Variants in NRIP3 observed in about 807,000 individuals in gnomAD.
NRIP3 encodes the protein nuclear receptor-interacting protein 3.
A neutral mutation model predicts 29.0 loss-of-function variants in NRIP3; 31 were observed. The observed-to-expected ratio is 1.07, with a 90% CI of 0.80 to 1.44. The LOEUF (loss-of-function observed/expected upper bound fraction) is 1.44. NRIP3 is among the 40% of genes most tolerant of loss of function. The probability of loss-of-function intolerance (pLI) is 0.00; values close to 1 mark genes in which losing one functional copy is unlikely to be tolerated. For missense variants in NRIP3, 314 were observed against 297.9 expected (o/e 1.05, Z -0.40); for synonymous variants, 131 against 118.3 (o/e 1.11, Z -0.70).
In NRIP3 at chr11:8,983,083, T is replaced by C; in HGVS notation, c.*462A>G. ...ATACTTGAGAAATCAATGAATCAAT[T>C]TGAAGAAACTCTAATTCTAAGACAT... On this transcript the variant is annotated 3_prime_UTR_variant, in exon 7 of 7. Transcript: ENST00000309166. 2.2e-6 allele frequency: 1 copy of C among 445,430 alleles called. No individual in the cohort carries two copies. Among genetic ancestry groups the C allele is most frequent in the South Asian group, 1.6e-5 (1 of 61,690 alleles). The allele number at this position is 445,430 out of a possible 1,614,324, so 27.6% of individuals were successfully genotyped here.
intron 1 of NRIP3, among the ~76,000 whole-genome samples, chr11:8,992,632 C>T (rs561126255): frequency 3.9e-5 from 6 of 152,222 alleles, no homozygotes; most frequent in South Asian, 4.2e-4. Flanking sequence ...AATCTGGGGC[C>T]GGGCGCAGTG....
Position 8,985,594 on chromosome 11 carries a change from A to T in NRIP3, c.562+117T>A, listed in dbSNP as rs191249114. ...GGGACAAGGTCTACAGTACAAAAAAATGGGAACCATTTTGAAAAAGTCAAT... is the reference window on the plus strand; with the variant it reads ...GGGACAAGGTCTACAGTACAAAAAATTGGGAACCATTTTGAAAAAGTCAAT... On this transcript the variant is annotated intron_variant, in intron 4 of 6. Coordinates refer to ENST00000309166, the MANE Select transcript of NRIP3 (RefSeq NM_020645.3). 2.4e-4 allele frequency: 318 copies of T among 1,344,106 alleles called. 2 individuals carry two copies. The African/African-American group carries it at 3.8e-3, about 16-fold the overall frequency. 83.3% of individuals were successfully genotyped at this position (1,344,106 alleles called of 1,614,324 possible).
rs1745753392 is a variant in NRIP3 at position 8,992,000 on chromosome 11, T to A, written c.175-3718A>T. Among the ~76,000 whole-genome samples the A allele has an allele frequency of 3.3e-5, 5 of 152,246 alleles. No individual in the cohort carries two copies. The South Asian group carries it at 1.0e-3, about 31-fold the overall frequency. On this transcript the variant is annotated intron_variant, in intron 1 of 6. Coordinates refer to ENST00000309166, the MANE Select transcript of NRIP3 (RefSeq NM_020645.3). Reference sequence around the variant, plus strand: ...GAAGACAGAAGAGCTACTGTTAGTTTGAGTCTCTAAAGGACTATATGGAAG... The same window carrying A: ...GAAGACAGAAGAGCTACTGTTAGTTAGAGTCTCTAAAGGACTATATGGAAG...
intron 4 of NRIP3, among the ~76,000 whole-genome samples, chr11:8,985,130 C>T (rs972866219): frequency 1.7e-4 from 25 of 149,640 alleles, no homozygotes; most frequent in Non-Finnish European, 3.1e-4. Flanking sequence ...GGATTACAGG[C>T]GTGAGCCACT....
chr11:8,988,392 T>C (rs1247354103), intron 1 of NRIP3, 110 bp from the exon 2 acceptor site: 2 of 837,896 alleles, frequency 2.4e-6, no homozygotes, highest in Admixed American at 5.5e-5. Context: ...CTGAGCTCTA[T>C]CTTTGCTTCT....
At position 8,982,282 on chromosome 11, in the gene NRIP3, C is replaced by T. The variant is rs908674990; in HGVS notation, c.*1263G>A. ...GGCAGTTATAAAAAGTTGTCCTTAACATTGCCGGCTCCTGCTCTGCCTCTT... is the reference window on the plus strand; with the variant it reads ...GGCAGTTATAAAAAGTTGTCCTTAATATTGCCGGCTCCTGCTCTGCCTCTT... On this transcript the variant is annotated 3_prime_UTR_variant, in exon 7 of 7. Coordinates refer to ENST00000309166, the MANE Select transcript of NRIP3 (RefSeq NM_020645.3). 5.9e-5 allele frequency: 9 copies of T among 152,254 alleles called. No individual in the cohort carries two copies. Among genetic ancestry groups the T allele is most frequent in the African/African-American group, 2.2e-4 (9 of 41,460 alleles). 9.4% of individuals were successfully genotyped at this position (152,254 alleles called of 1,614,324 possible). A position where few individuals can be genotyped will look rare whatever the true frequency, so the allele number is the denominator to read the frequency against.
Position 8,983,241 on chromosome 11 carries a change from C to A in NRIP3, c.*304G>T. On this transcript the variant is annotated 3_prime_UTR_variant, in exon 7 of 7. Coordinates refer to ENST00000309166, the MANE Select transcript of NRIP3 (RefSeq NM_020645.3). The stretch of plus-strand genomic sequence containing the variant: ...AGAACCTGGCAGCCCCTATACTTGA[C>A]TAATAAAAGCAAATTCCTGGAAGAA... 2.1e-6 allele frequency: 1 copy of A among 484,898 alleles called. No homozygotes were observed. The highest frequency in any genetic ancestry group is 3.7e-6 in the Non-Finnish European group (1 of 271,312). 30.0% of individuals were successfully genotyped at this position (484,898 alleles called of 1,614,324 possible).
Position 8,983,255 on chromosome 11 carries a change from T to C in NRIP3, c.*290A>G, listed in dbSNP as rs1854450722. 1 of 506,924 alleles carries C rather than the reference T, an allele frequency of 2.0e-6. No homozygotes were observed. Among genetic ancestry groups the C allele is most frequent in the South Asian group, 2.4e-5 (1 of 41,110 alleles). The allele number at this position is 506,924 out of a possible 1,614,324, so 31.4% of individuals were successfully genotyped here. A position where few individuals can be genotyped will look rare whatever the true frequency, so the allele number is the denominator to read the frequency against. Reference sequence around the variant, plus strand: ...CCTATACTTGACTAATAAAAGCAAATTCCTGGAAGAAGCAGAGAAATAGGC... The same window carrying C: ...CCTATACTTGACTAATAAAAGCAAACTCCTGGAAGAAGCAGAGAAATAGGC... On this transcript the variant is annotated 3_prime_UTR_variant, in exon 7 of 7. Transcript: ENST00000309166.
At chr11:8,988,734 G>T (rs556634119) in intron 1 of NRIP3, among the ~76,000 whole-genome samples, 1 of 152,178 alleles carries the variant, frequency 6.6e-6, no homozygotes, top group Admixed American at 6.5e-5. Flanking sequence ...AAGAAACTTA[G>T]CTAACACAGG....
At chr11:8,989,645 C>T (rs1165902099) in intron 1 of NRIP3, among the ~76,000 whole-genome samples, 1 of 152,220 alleles carries the variant, frequency 6.6e-6, no homozygotes, top group Admixed American at 6.5e-5. Flanking sequence ...GAGGGAGAGG[C>T]ACTTGTAAAG....
At chr11:8,985,270 C>T (rs1357620672) in intron 4 of NRIP3, among the ~76,000 whole-genome samples, 2 of 150,978 alleles carry the variant, frequency 1.3e-5, no homozygotes, top group South Asian at 2.1e-4. Context: ...CCCAGGTTCA[C>T]GCCATTCTCC....
chr11:8,982,984 C>T lies in NRIP3; in HGVS notation c.*561G>A, dbSNP rs1349967010. On this transcript the variant is annotated 3_prime_UTR_variant, in exon 7 of 7. Transcript: ENST00000309166. The stretch of plus-strand genomic sequence containing the variant: ...CTAATATATGAACTTAGACAATTCA[C>T]TTGCCTCTCTGGACCTTTAAATGAA... The T allele has an allele frequency of 4.4e-6, 2 of 456,536 alleles. No individual in the cohort carries two copies. Among genetic ancestry groups the T allele is most frequent in the Admixed American group, 2.4e-5 (1 of 42,550 alleles). The allele number at this position is 456,536 out of a possible 1,614,324, so 28.3% of individuals were successfully genotyped here.
chr11:8,999,055 G>A (rs764746172), intron 1 of NRIP3, among the ~76,000 whole-genome samples: 2 of 151,888 alleles, frequency 1.3e-5, no homozygotes, highest in Non-Finnish European at 2.9e-5. Flanking sequence ...TGCCCGCCTC[G>A]GCCTCCCAAA....
chr11:9,001,608 G>A (rs1245344623), intron 1 of NRIP3, among the ~76,000 whole-genome samples: 1 of 152,182 alleles, frequency 6.6e-6, no homozygotes, highest in Admixed American at 6.5e-5. Flanking sequence ...CCCTTGCAGT[G>A]AGAGAAAATT....
intron 3 of NRIP3, 56 bp downstream of exon 3, chr11:8,987,492 G>T: frequency 8.1e-7 from 1 of 1,237,048 alleles, no homozygotes; most frequent in Non-Finnish European, 1.2e-6. Flanking sequence ...ATAAAATAGA[G>T]TCAAGCGAAG....
intron 1 of NRIP3, among the ~76,000 whole-genome samples, chr11:8,996,510 A>C (rs1490498419): frequency 6.6e-6 from 1 of 151,848 alleles, no homozygotes; most frequent in East Asian, 1.9e-4. Flanking sequence ...CAAACTCCTG[A>C]CCTCAGGTGA....
intron 1 of NRIP3, among the ~76,000 whole-genome samples, chr11:8,992,037 T>C (rs6416158): frequency 0.93 from 141,765 of 152,288 alleles, 66,782 homozygotes; most frequent in East Asian, 1. Context: ...GGCTGTCTTG[T>C]TGACTTTTCC....
chr11:8,990,875 C>G (rs1854587511), intron 1 of NRIP3, among the ~76,000 whole-genome samples: 1 of 151,956 alleles, frequency 6.6e-6, no homozygotes, highest in Non-Finnish European at 1.5e-5. Context: ...CTTCTCAGTC[C>G]CACTCCCAAC....
intron 1 of NRIP3, among the ~76,000 whole-genome samples, chr11:8,998,100 A>G (rs1797799442): frequency 2.0e-5 from 3 of 152,206 alleles, no homozygotes; most frequent in South Asian, 4.1e-4. Flanking sequence ...ATAGATAAAC[A>G]TGGACTCCTG....
Sources: gnomAD v4.1 joint callset for allele counts (sites outside exome capture counted in the v4.1 genomes callset) on GRCh38, gnomAD v4.1.1 for gene constraint, MANE v1.5 for transcripts, NCBI Gene and HGNC (gene_info 2026-07-23, HGNC 2026-07-21) for gene names.